CSPG4: variants seen among roughly 807,000 people sequenced by gnomAD.
The protein encoded by CSPG4 is chondroitin sulfate proteoglycan 4.
In CSPG4, 74 loss-of-function variants were observed where a neutral mutation model predicts 139.3. The observed-to-expected ratio is 0.53, with a 90% CI of 0.44 to 0.64. The LOEUF (loss-of-function observed/expected upper bound fraction) is 0.64. CSPG4 is among the 30% of genes least tolerant of loss of function. CSPG4 has a pLI of 0.00. For missense variants in CSPG4, 2,565 were observed against 3,148.3 expected (o/e 0.81, Z 4.43); for synonymous variants, 1,234 against 1,394.2 (o/e 0.89, Z 2.56).
chr15:75,706,052 G>A (rs2141440505), intron 1 of CSPG4, among the ~76,000 whole-genome samples: 1 of 152,316 alleles, frequency 6.6e-6, no homozygotes, highest in Non-Finnish European at 1.5e-5. Context: ...CTGGACTCTA[G>A]CTGCAGGAGA....
chr15:75,690,241 T>C lies in CSPG4; in HGVS notation c.824A>G (p.Asn275Ser), dbSNP rs752537786. ...CTGCCCATCGGCCACAGGCACACTG[T>C]TGTGGAGCAATACGGTACCCTGGCC... ...EKGQGTVLLH[N>S]SVPVADGQPH... Residue 275 changes from asparagine to serine, a missense_variant, in exon 3 of 10, where the codon AAC becomes AGC. Around this residue, in one of 5 missense-constraint regions of CSPG4, gnomAD observed 2,316 missense variants for 2,818.2 expected, o/e 0.82. Transcript: ENST00000308508. 9 of 1,613,360 alleles carry C rather than the reference T, an allele frequency of 5.6e-6. No individual in the cohort carries two copies. The East Asian group carries it at 1.8e-4, about 32-fold the overall frequency.
chr15:75,703,332 A>G lies in CSPG4; in HGVS notation c.88+9336T>C, dbSNP rs868740055. ...GACTGAGAGATCGGGGGTGCTCTGC[A>G]GCCCGGGTGACCCTGCGCAGGGGCA... On this transcript the variant is annotated intron_variant, in intron 1 of 9. Transcript: ENST00000308508. 9.5e-3 allele frequency among the ~76,000 whole-genome samples: 1,425 copies of G among 150,616 alleles called. 10 individuals are homozygous for G. The highest frequency in any genetic ancestry group is 0.033 in the African/African-American group (1,351 of 40,926).
Position 75,687,371 on chromosome 15 carries a change from G to A in CSPG4, c.3694C>T (p.Leu1232=). 6.2e-7 allele frequency: 1 copy of A among 1,612,976 alleles called. No individual in the cohort carries two copies. The highest frequency in any genetic ancestry group is 8.5e-7 in the Non-Finnish European group (1 of 1,180,032). Reference sequence around the variant, plus strand: ...TTCAGTGGGGCCAGTGGGCCCTCTAGGGCAATGGTCACTTGTAGGGTGGCA... The same window carrying A: ...TTCAGTGGGGCCAGTGGGCCCTCTAAGGCAATGGTCACTTGTAGGGTGGCA... ...TDATLQVTIA[L]EGPLAPLKLV... Residue 1232 remains leucine, a synonymous_variant, in exon 3 of 10, where the codon CTA becomes TTA. Coordinates refer to ENST00000308508, the MANE Select transcript of CSPG4 (RefSeq NM_001897.5). The surrounding 1 kb of genome is among the most constrained non-coding windows in gnomAD (Gnocchi z 5.4).
At chr15:75,678,153 A>G (rs1256066741) in intron 8 of CSPG4, among the ~76,000 whole-genome samples, 2 of 152,176 alleles carry the variant, frequency 1.3e-5, no homozygotes, top group Non-Finnish European at 2.9e-5. Context: ...GGGGAATGCA[A>G]TGATCTGTCT....
At chr15:75,702,797 C>T (rs942931516) in intron 1 of CSPG4, among the ~76,000 whole-genome samples, 7 of 152,072 alleles carry the variant, frequency 4.6e-5, no homozygotes, top group Non-Finnish European at 8.8e-5. Context: ...TATTTATAGC[C>T]GGAGGCCACA....
At position 75,687,191 on chromosome 15, in the gene CSPG4, CAA is replaced by C. The variant is rs1894071384; in HGVS notation, c.3789+83_3789+84del. On this transcript the variant is annotated intron_variant, in intron 3 of 9. Coordinates refer to ENST00000308508, the MANE Select transcript of CSPG4 (RefSeq NM_001897.5). The surrounding 1 kb of genome is among the most constrained non-coding windows in gnomAD (Gnocchi z 5.4). The stretch of plus-strand genomic sequence containing the variant: ...ACCTGGAGCCACCACAGCCACAGCC[CAA>C]GTCACGTGTGTTCCTGGCATGGAGG... 6.6e-7 allele frequency: 1 copy of C among 1,525,696 alleles called. No individual in the cohort carries two copies. The highest frequency in any genetic ancestry group is 1.1e-5 in the South Asian group (1 of 88,060). The allele number at this position is 1,525,696 out of a possible 1,614,324, so 94.5% of individuals were successfully genotyped here.
chr15:75,677,095 T>C lies in CSPG4; in HGVS notation c.5424A>G (p.Ala1808=), dbSNP rs1893905102. Residue 1808 remains alanine (A), a synonymous_variant, in exon 10 of 10, where the codon GCA becomes GCG. Transcript: ENST00000308508. ...FHFRAHLQGP[A]GASVAGPQTS... is the part of the protein sequence containing the mutation. ...TTTGGGGTCCAGCCACGGAGGCCCC[T>C]GCTGGCCCCTGGAGGTGGGCACGAA... 7.1e-7 allele frequency: 1 copy of C among 1,416,742 alleles called. No homozygotes were observed. The allele number at this position is 1,416,742 out of a possible 1,614,324, so 87.8% of individuals were successfully genotyped here. A position where few individuals can be genotyped will look rare whatever the true frequency, so the allele number is the denominator to read the frequency against.
At position 75,682,917 on chromosome 15, in the gene CSPG4, C is replaced by T. The variant is rs754765879; in HGVS notation, c.4574G>A (p.Gly1525Glu). 5.0e-6 allele frequency: 8 copies of T among 1,611,020 alleles called. No individual in the cohort carries two copies. The South Asian group carries it at 8.8e-5, about 18-fold the overall frequency. The change falls in exon 6 of 10, where the codon GGG becomes GAG. Residue 1525 changes from glycine (G) to glutamate (E), a missense_variant. Physicochemically the swap from Gly to Glu is moderately conservative, Grantham distance 98. Coordinates refer to ENST00000308508, the MANE Select transcript of CSPG4 (RefSeq NM_001897.5). ...GCTGCGCACCTCAGTGCCCGGCGCC[C>T]CCCGCAGCACTACCCGCCCGTTGCT... Reference protein sequence around the residue: ...QPSNGRVVLRGAPGTEVRSFT... With the variant: ...QPSNGRVVLREAPGTEVRSFT...
intron 1 of CSPG4, 93 bp downstream of exon 1, chr15:75,712,575 G>C: frequency 8.0e-7 from 1 of 1,252,058 alleles, no homozygotes; most frequent in Non-Finnish European, 1.1e-6. Context: ...CCCGATCTGG[G>C]GGCCACTTCT....
Position 75,688,766 on chromosome 15 carries a change from G to A in CSPG4, c.2299C>T (p.Gln767Ter). 1 of 1,612,774 alleles carries A rather than the reference G, an allele frequency of 6.2e-7. No individual in the cohort carries two copies. The highest frequency in any genetic ancestry group is 8.5e-7 in the Non-Finnish European group (1 of 1,179,848). The change falls in exon 3 of 10, where the codon CAG (glutamine) becomes TAG (stop). Residue 767 changes from glutamine (Q) to a stop codon, truncating the protein, a stop_gained. Transcript: ENST00000308508. LOFTEE classifies it high-confidence loss of function. Reference sequence around the variant, plus strand: ...AAGGACAGATTGCTCAGGATCTCCTGGCCCACCTGCACCTCCAGGGCCAGG... The same window carrying A: ...AAGGACAGATTGCTCAGGATCTCCTAGCCCACCTGCACCTCCAGGGCCAGG... ...ENLALEVQVGQEILSNLSFPV... is the reference protein window; with the variant it reads ...ENLALEVQVG
Position 75,689,003 on chromosome 15 carries a change from C to T in CSPG4, c.2062G>A (p.Val688Met), listed in dbSNP as rs371820239. ...AMPILPANLS[V>M]ETNAVGQDVS... ...TCCTGCCCCACGGCATTGGTCTCCA[C>T]CGACAGGTTGGCGGGCAAGATGGGC... is the stretch of plus-strand genomic sequence containing the variant. The change falls in exon 3 of 10, where the codon GTG becomes ATG. Residue 688 changes from valine to methionine, a missense_variant. Physicochemically the swap from Val to Met is conservative, Grantham distance 21 (BLOSUM62 1). This residue lies in a region of CSPG4 where 2,316 missense variants were observed against 2,818.2 expected (regional missense o/e 0.82). Transcript: ENST00000308508. 2 of 1,612,226 alleles carry T rather than the reference C, an allele frequency of 1.2e-6. No homozygotes were observed. Among genetic ancestry groups the T allele is most frequent in the Non-Finnish European group, 1.7e-6 (2 of 1,180,008 alleles).
intron 5 of CSPG4, among the ~76,000 whole-genome samples, chr15:75,684,164 G>A (rs1365887296): frequency 6.6e-6 from 1 of 152,184 alleles, no homozygotes; most frequent in Non-Finnish European, 1.5e-5. Flanking sequence ...TGTGGGCTTT[G>A]TAAAGCCATG....
chr15:75,710,281 G>A (rs1031968598), intron 1 of CSPG4, among the ~76,000 whole-genome samples: 6 of 152,138 alleles, frequency 3.9e-5, no homozygotes, highest in African/African-American at 1.4e-4. Flanking sequence ...GTGACCCCCC[G>A]ACTAGAATGT....
intron 1 of CSPG4, among the ~76,000 whole-genome samples, chr15:75,699,833 C>T (rs1156315004): frequency 6.6e-6 from 1 of 152,156 alleles, no homozygotes; most frequent in Non-Finnish European, 1.5e-5. Context: ...AGGCTTTTCC[C>T]TGCCTTATAA....
chr15:75,674,469 AG>A lies in CSPG4; in HGVS notation c.*1080del, dbSNP rs1254790526. On this transcript the variant is annotated 3_prime_UTR_variant, in exon 10 of 10. Transcript: ENST00000308508. ...CAGGTGGGGGCACAGGAGGTCTGGGAGGCCCCAGGAGGTGGAAGTTCAGAGG... is the reference window on the plus strand; with the variant it reads ...CAGGTGGGGGCACAGGAGGTCTGGGAGCCCCAGGAGGTGGAAGTTCAGAGG... 1 of 364,398 alleles carries A rather than the reference AG, an allele frequency of 2.7e-6. No homozygotes were observed. The highest frequency in any genetic ancestry group is 3.9e-5 in the East Asian group (1 of 25,712). 22.6% of individuals were successfully genotyped at this position (364,398 alleles called of 1,614,324 possible). A position where few individuals can be genotyped will look rare whatever the true frequency, so the allele number is the denominator to read the frequency against.
Position 75,675,997 on chromosome 15 carries a change from G to C in CSPG4, c.6522C>G (p.Ala2174=), listed in dbSNP as rs749870763. ...PYNAARPYSV[A]LLSVPEAART... is the part of the protein sequence containing the mutation. ...GGGCGGCCTCGGGGACACTGAGCAG[G>C]GCCACGCTGTAGGGCCGGGCAGCAT... Residue 2174 remains alanine (A), a synonymous_variant, in exon 10 of 10, where the codon GCC becomes GCG. Transcript: ENST00000308508. The C allele has an allele frequency of 6.3e-7, 1 of 1,574,896 alleles. No homozygotes were observed. Among genetic ancestry groups the C allele is most frequent in the Admixed American group, 1.7e-5 (1 of 58,270 alleles).
rs764703534 is a variant in CSPG4 at position 75,687,697 on chromosome 15, G to T, written c.3368C>A (p.Ser1123Ter). The change falls in exon 3 of 10, where the codon TCG becomes TAG. Residue 1123 changes from serine to a stop codon, truncating the protein, a stop_gained. Coordinates refer to ENST00000308508, the MANE Select transcript of CSPG4 (RefSeq NM_001897.5). LOFTEE classifies it high-confidence loss of function. The surrounding 1 kb of genome is among the most constrained non-coding windows in gnomAD (Gnocchi z 5.4). ...GTTGGCCACACGGAGGTAGGGTTCC[G>T]AGGCCTGCACCTCCAGCAGCGCAGT... ...QATALLEVQA[S>*]EPYLRVANGS... 1 of 1,612,906 alleles carries T rather than the reference G, an allele frequency of 6.2e-7. No homozygotes were observed. Among genetic ancestry groups the T allele is most frequent in the East Asian group, 2.2e-5 (1 of 44,888 alleles).
chr15:75,702,385 A>G (rs1894316068), intron 1 of CSPG4, among the ~76,000 whole-genome samples: 1 of 152,242 alleles, frequency 6.6e-6, no homozygotes, highest in Non-Finnish European at 1.5e-5. Context: ...AGCCCAAAGC[A>G]CCTTCTGTGT....
In CSPG4 at chr15:75,698,748, A is replaced by G. The variant is rs936331427; in HGVS notation, c.89-5515T>C. Among the ~76,000 whole-genome samples, 5 of 152,040 alleles carry G rather than the reference A, an allele frequency of 3.3e-5. No individual in the cohort carries two copies. The highest frequency in any genetic ancestry group is 7.4e-5 in the Non-Finnish European group (5 of 67,978). Reference sequence around the variant, plus strand: ...TGTCTGGTGTGCCTACTCAGGGGTGAGCCCCTCTCAAACCTCCTCCCAGCA... The same window carrying G: ...TGTCTGGTGTGCCTACTCAGGGGTGGGCCCCTCTCAAACCTCCTCCCAGCA... On this transcript the variant is annotated intron_variant, in intron 1 of 9. Coordinates refer to ENST00000308508, the MANE Select transcript of CSPG4 (RefSeq NM_001897.5). This position sits in a 1 kb window ranked among gnomAD's most constrained non-coding sequence, Gnocchi z 4.3.
Sources: allele counts gnomAD v4.1 joint callset (sites outside exome capture counted in the v4.1 genomes callset), GRCh38; gene constraint gnomAD v4.1.1; regional missense constraint gnomAD v4.1.1; non-coding constraint Gnocchi (gnomAD v3.1); transcripts MANE v1.5; gene names NCBI Gene and HGNC (gene_info 2026-07-23, HGNC 2026-07-21).